Variants in ARID1B observed in about 807,000 individuals in gnomAD.
The protein encoded by ARID1B is AT-rich interactive domain-containing protein 1B.
A neutral mutation model predicts 212.3 loss-of-function variants in ARID1B; 30 were observed. The observed-to-expected ratio is 0.14, with a 90% CI of 0.11 to 0.19. The LOEUF (loss-of-function observed/expected upper bound fraction) is 0.19. Ranked by LOEUF, ARID1B falls within the 10% of genes least tolerant of loss-of-function variation. The pLI, the probability that ARID1B is intolerant of heterozygous loss-of-function variation, is 1.00. For missense variants in ARID1B, 2,891 were observed against 3,204.0 expected (o/e 0.90, Z 2.36); for synonymous variants, 1,402 against 1,301.7 (o/e 1.08, Z -1.66).
intron 4 of ARID1B, among the ~76,000 whole-genome samples, chr6:156,964,187 G>A (rs1049441821): frequency 1.3e-5 from 2 of 152,228 alleles, no homozygotes; most frequent in African/African-American, 4.8e-5. Context: ...TTGTCAAGAC[G>A]ATGAGCTGTC....
chr6:156,968,178 TA>T (rs1794904659), intron 4 of ARID1B, among the ~76,000 whole-genome samples: 1 of 152,226 alleles, frequency 6.6e-6, no homozygotes, highest in Non-Finnish European at 1.5e-5. Flanking sequence ...ATGATTATTG[TA>T]AACTGTTGTT....
At chr6:156,784,720 A>G (rs1355908) in intron 1 of ARID1B, among the ~76,000 whole-genome samples, 12,048 of 152,124 alleles carry the variant, frequency 0.079, 731 homozygotes, top group African/African-American at 0.16. Flanking sequence ...AAAATCTTTG[A>G]CTTGGAGTAA....
intron 1 of ARID1B, among the ~76,000 whole-genome samples, chr6:156,825,671 A>C (rs1330833048): frequency 6.6e-6 from 1 of 152,254 alleles, no homozygotes; most frequent in African/African-American, 2.4e-5. Flanking sequence ...AAGTGAAATA[A>C]GTAGACGTTT....
chr6:156,882,860 C>A (rs2128171856), intron 2 of ARID1B, among the ~76,000 whole-genome samples: 1 of 152,280 alleles, frequency 6.6e-6, no homozygotes, highest in South Asian at 2.1e-4. Flanking sequence ...TTTTGTAAAT[C>A]ATTTTGTAGT....
intron 5 of ARID1B, among the ~76,000 whole-genome samples, chr6:157,090,816 C>A (rs1432367620): frequency 1.3e-5 from 2 of 152,166 alleles, no homozygotes; most frequent in Non-Finnish European, 2.9e-5. Context: ...CAGGAGGAAT[C>A]TCACTCACAT....
chr6:156,942,489 G>A (rs985426367), intron 4 of ARID1B: 1 of 152,278 alleles, frequency 6.6e-6, no homozygotes, highest in African/African-American at 2.4e-5. Flanking sequence ...GCAGAAGGGG[G>A]AGCCAGAGTG....
chr6:156,995,511 T>C (rs994806392), intron 4 of ARID1B, among the ~76,000 whole-genome samples: 6 of 152,232 alleles, frequency 3.9e-5, no homozygotes, highest in Non-Finnish European at 7.3e-5. Context: ...TCATATAGTG[T>C]ATTCTAAGTA....
chr6:156,798,503 G>C (rs1780556780), intron 1 of ARID1B, among the ~76,000 whole-genome samples: 1 of 152,270 alleles, frequency 6.6e-6, no homozygotes, highest in South Asian at 2.1e-4. Flanking sequence ...CCAGGAGTCA[G>C]CCCTGAGGCA....
At chr6:157,000,925 C>T (rs1778877532) in intron 4 of ARID1B, among the ~76,000 whole-genome samples, 4 of 152,000 alleles carry the variant, frequency 2.6e-5, no homozygotes, top group Admixed American at 2.6e-4. Context: ...AAACTCCTGA[C>T]CTCAAGTGAT....
At chr6:156,805,162 A>G (rs999735825) in intron 1 of ARID1B, among the ~76,000 whole-genome samples, 1 of 152,190 alleles carries the variant, frequency 6.6e-6, no homozygotes, top group African/African-American at 2.4e-5. Context: ...CAGTAGGCCA[A>G]GTTAGAGATT....
intron 2 of ARID1B, among the ~76,000 whole-genome samples, chr6:156,879,560 A>C (rs1301187109): frequency 6.6e-6 from 1 of 152,236 alleles, no homozygotes; most frequent in African/African-American, 2.4e-5. Flanking sequence ...TTAAAAGATT[A>C]CAACAATGGA....
At chr6:156,952,701 C>G (rs1395392166) in intron 4 of ARID1B, among the ~76,000 whole-genome samples, 1 of 152,178 alleles carries the variant, frequency 6.6e-6, no homozygotes, top group Non-Finnish European at 1.5e-5. Context: ...AAAGAGGCAG[C>G]CGTGTCATGC....
intron 11 of ARID1B, among the ~76,000 whole-genome samples, chr6:157,180,535 T>C (rs1012102744): frequency 6.6e-6 from 1 of 152,196 alleles, no homozygotes; most frequent in Non-Finnish European, 1.5e-5. Flanking sequence ...ATTCTTGTTT[T>C]GACAAGGAAA....
intron 1 of ARID1B, among the ~76,000 whole-genome samples, chr6:156,817,365 G>T (rs1436811293): frequency 6.6e-6 from 1 of 151,902 alleles, no homozygotes; most frequent in African/African-American, 2.4e-5. Flanking sequence ...GCCTGATGTT[G>T]TGACTCACAC....
At chr6:157,134,153 C>G (rs1562646325) in intron 7 of ARID1B, among the ~76,000 whole-genome samples, 1 of 152,156 alleles carries the variant, frequency 6.6e-6, no homozygotes. Context: ...ACAACAAAAC[C>G]AGGTTTGCCT....
chr6:156,902,270 C>T (rs2128212461), intron 3 of ARID1B: 1 of 152,222 alleles, frequency 6.6e-6, no homozygotes, highest in East Asian at 1.9e-4. Flanking sequence ...ACTCTGAATC[C>T]AGATAAAATG....
At chr6:156,928,912 A>G (rs2128252957) in intron 3 of ARID1B, among the ~76,000 whole-genome samples, 1 of 152,348 alleles carries the variant, frequency 6.6e-6, no homozygotes, top group East Asian at 1.9e-4. Context: ...TTAGGGGAAT[A>G]TATGAAGCCC....
intron 4 of ARID1B, among the ~76,000 whole-genome samples, chr6:156,992,718 C>T (rs1778342875): frequency 6.6e-6 from 1 of 152,160 alleles, no homozygotes; most frequent in Admixed American, 6.5e-5. Context: ...GCAGAGGTCA[C>T]TGGGCCTTGG....
At chr6:156,852,221 G>A (rs892406759) in intron 2 of ARID1B, among the ~76,000 whole-genome samples, 2 of 152,130 alleles carry the variant, frequency 1.3e-5, no homozygotes, top group African/African-American at 4.8e-5. Context: ...GCCGAGGTGG[G>A]AGGATTGCCT....
Sources: gnomAD v4.1 joint callset for allele counts (sites outside exome capture counted in the v4.1 genomes callset) on GRCh38, gnomAD v4.1.1 for gene constraint, MANE v1.5 for transcripts, NCBI Gene and HGNC (gene_info 2026-07-23, HGNC 2026-07-21) for gene names.